The following SCFD2 variants were observed in gnomAD, a reference collection of about 807,000 sequenced individuals.
The protein encoded by SCFD2 is sec1 family domain containing 2.
A neutral mutation model predicts 58.9 loss-of-function variants in SCFD2; 54 were observed. The ratio of observed to expected loss-of-function variants is 0.92; its 90% CI spans 0.74 to 1.15. The LOEUF (loss-of-function observed/expected upper bound fraction) is 1.15. Ranked by LOEUF, SCFD2 falls within the 50% of genes most tolerant of loss-of-function variation. The probability of loss-of-function intolerance (pLI) is 0.00; values close to 1 mark genes in which losing one functional copy is unlikely to be tolerated. For missense variants in SCFD2, 805 were observed against 836.6 expected, an observed-to-expected ratio of 0.96 and a Z score of 0.47; for synonymous variants, 321 against 335.9, an observed-to-expected ratio of 0.96 and a Z score of 0.49.
chr4:52,922,526 T>C (rs563395939), intron 5 of SCFD2, among the ~76,000 whole-genome samples: 2 of 152,350 alleles, frequency 1.3e-5, no homozygotes, highest in South Asian at 4.2e-4. Flanking sequence ...ACTTCATTTC[T>C]TATTGCTTAC....
intron 5 of SCFD2, among the ~76,000 whole-genome samples, chr4:53,024,138 G>A (rs765799827): frequency 2.6e-5 from 4 of 152,106 alleles, no homozygotes; most frequent in Non-Finnish European, 2.9e-5. Context: ...TTGTGGCTGC[G>A]CTTCTAAAAC....
In SCFD2 at chr4:53,291,936, T is replaced by C. The variant is rs534258641; in HGVS notation, c.1136-17935A>G. On this transcript the variant is annotated intron_variant, in intron 3 of 8. Transcript: ENST00000401642. ...AAACTGGCTAGCCATATGCAGAAAA[T>C]TGAAACCAGACCCCTTCCTTATGCC... 4.6e-5 allele frequency among the ~76,000 whole-genome samples: 7 copies of C among 152,034 alleles called. No individual in the cohort carries two copies. In the South Asian group the frequency reaches 1.0e-3, roughly 23 times the overall value.
chr4:52,874,284 G>A (rs760003002), intron 8 of SCFD2, among the ~76,000 whole-genome samples: 6 of 152,164 alleles, frequency 3.9e-5, no homozygotes, highest in Non-Finnish European at 8.8e-5. Context: ...TGGGACAGCC[G>A]GGCTGTGTCT....
At chr4:53,235,552 T>C (rs1729573102) in intron 4 of SCFD2, among the ~76,000 whole-genome samples, 1 of 152,196 alleles carries the variant, frequency 6.6e-6, no homozygotes, top group African/African-American at 2.4e-5. Context: ...AACAAAATAA[T>C]GTCAATAAAC....
intron 2 of SCFD2, among the ~76,000 whole-genome samples, chr4:53,329,037 C>G (rs1056850674): frequency 1.3e-5 from 2 of 152,160 alleles, no homozygotes; most frequent in African/African-American, 4.8e-5. Flanking sequence ...CTTTTCGGAC[C>G]GGGTTAAAAA....
intron 4 of SCFD2, among the ~76,000 whole-genome samples, chr4:53,194,414 TAA>T (rs2148960840): frequency 6.6e-6 from 1 of 152,330 alleles, no homozygotes; most frequent in South Asian, 2.1e-4. Flanking sequence ...TATAATTATA[TAA>T]GTTATTGCTA....
chr4:53,288,481 C>T lies in SCFD2; in HGVS notation c.1136-14480G>A, dbSNP rs189593435. On this transcript the variant is annotated intron_variant, in intron 3 of 8. Transcript: ENST00000401642. Reference sequence around the variant, plus strand: ...AAAACAAAAACAATTGTAAAAGCAGCAAAAGAAAAGAATCAAGTGACATAC... The same window carrying T: ...AAAACAAAAACAATTGTAAAAGCAGTAAAAGAAAAGAATCAAGTGACATAC... 5.7e-4 allele frequency among the ~76,000 whole-genome samples: 86 copies of T among 151,966 alleles called. 4 individuals carry two copies. The East Asian group carries it at 0.015, about 27-fold the overall frequency.
Position 53,174,509 on chromosome 4 carries a change from A to G in SCFD2, c.1312-28927T>C, listed in dbSNP as rs1305385098. 2.0e-5 allele frequency among the ~76,000 whole-genome samples: 3 copies of G among 152,192 alleles called. No individual in the cohort carries two copies. The East Asian group carries it at 5.8e-4, about 29-fold the overall frequency. ...GCAGATGTATCAATAGCAACAACAG[A>G]AGCTGAAAATAGTAAAATAAATAAT... On this transcript the variant is annotated intron_variant, in intron 4 of 8. Transcript: ENST00000401642.
At chr4:52,964,610 G>A (rs1327584033) in intron 5 of SCFD2, among the ~76,000 whole-genome samples, 1 of 152,066 alleles carries the variant, frequency 6.6e-6, no homozygotes, top group East Asian at 1.9e-4. Context: ...AAGTGGGTTT[G>A]CAATGTCAAG....
chr4:52,879,387 A>G (rs1178994189), intron 8 of SCFD2, among the ~76,000 whole-genome samples: 3 of 152,268 alleles, frequency 2.0e-5, no homozygotes, highest in African/African-American at 7.2e-5. Context: ...AGCCTGAACG[A>G]CACTGCAACT....
In SCFD2 at chr4:52,958,327, A is replaced by T. The variant is rs114404696; in HGVS notation, c.1562-37457T>A. ...TTGTTAATACTATAAGGCAGGCTCC[A>T]TGTGTTTGTTTATTTCTGGGAAGGA... On this transcript the variant is annotated intron_variant, in intron 5 of 8. Transcript: ENST00000401642. 4.8e-4 allele frequency among the ~76,000 whole-genome samples: 73 copies of T among 152,290 alleles called. No individual in the cohort carries two copies. In the East Asian group the frequency reaches 0.014, roughly 28 times the overall value.
intron 1 of SCFD2, 89 bp from the exon 2 acceptor site, chr4:53,352,855 A>G: frequency 8.9e-7 from 1 of 1,118,806 alleles, no homozygotes; most frequent in Non-Finnish European, 1.3e-6. Context: ...TTCTATCAAA[A>G]ATAACATACA....
At chr4:53,250,579 G>T (rs1389836885) in intron 4 of SCFD2, among the ~76,000 whole-genome samples, 1 of 152,196 alleles carries the variant, frequency 6.6e-6, no homozygotes, top group Non-Finnish European at 1.5e-5. Flanking sequence ...TAGAACTCAG[G>T]ATTAAGAAAC....
intron 5 of SCFD2, among the ~76,000 whole-genome samples, chr4:53,064,633 G>A (rs896607043): frequency 6.6e-6 from 1 of 152,116 alleles, no homozygotes; most frequent in African/African-American, 2.4e-5. Context: ...TGGTTGAGGG[G>A]AAAGGCTCTG....
intron 4 of SCFD2, among the ~76,000 whole-genome samples, chr4:53,226,330 TA>T (rs1206978442): frequency 6.6e-6 from 1 of 152,068 alleles, no homozygotes; most frequent in Non-Finnish European, 1.5e-5. Flanking sequence ...ATTGCTGAAT[TA>T]AAATGTAAGG....
At chr4:53,007,830 G>A (rs1722012249) in intron 5 of SCFD2, among the ~76,000 whole-genome samples, 1 of 152,162 alleles carries the variant, frequency 6.6e-6, no homozygotes, top group Non-Finnish European at 1.5e-5. Flanking sequence ...GTGCATTTAA[G>A]TCAGTACATG....
At chr4:53,196,923 T>G (rs1728076504) in intron 4 of SCFD2, among the ~76,000 whole-genome samples, 1 of 152,166 alleles carries the variant, frequency 6.6e-6, no homozygotes, top group African/African-American at 2.4e-5. Flanking sequence ...ATCGATATAC[T>G]TTACCACAAA....
At chr4:53,165,488 A>G (rs1360598744) in intron 4 of SCFD2, among the ~76,000 whole-genome samples, 2 of 152,100 alleles carry the variant, frequency 1.3e-5, no homozygotes, top group Non-Finnish European at 2.9e-5. Context: ...CACTCCTTGC[A>G]CTGACTTGCA....
At chr4:52,995,047 G>T (rs1721711259) in intron 5 of SCFD2, among the ~76,000 whole-genome samples, 1 of 152,058 alleles carries the variant, frequency 6.6e-6, no homozygotes, top group African/African-American at 2.4e-5. Flanking sequence ...GCATGGGGAT[G>T]GTTTCAGGAT....
Sources: gnomAD v4.1 joint callset for allele counts (sites outside exome capture counted in the v4.1 genomes callset) on GRCh38, gnomAD v4.1.1 for gene constraint, MANE v1.5 for transcripts, NCBI Gene and HGNC (gene_info 2026-07-23, HGNC 2026-07-21) for gene names.